Variants in BFSP2 observed in about 807,000 individuals in gnomAD.
BFSP2 encodes phakinin.
In BFSP2, 38 loss-of-function variants were observed where a neutral mutation model predicts 44.9. The ratio of observed to expected loss-of-function variants is 0.85; its 90% CI spans 0.65 to 1.11. The LOEUF is 1.11. Among genes scored for constraint, BFSP2 ranks in the 50% least tolerant of loss-of-function variants. The pLI, the probability that BFSP2 is intolerant of heterozygous loss-of-function variation, is 0.00. For missense variants in BFSP2, 525 were observed against 533.0 expected, an observed-to-expected ratio of 0.99 and a Z score of 0.15; for synonymous variants, 197 against 209.9, an observed-to-expected ratio of 0.94 and a Z score of 0.53.
At chr3:133,471,931 G>C (rs1332867020) in intron 5 of BFSP2, among the ~76,000 whole-genome samples, 1 of 152,102 alleles carries the variant, frequency 6.6e-6, no homozygotes, top group Non-Finnish European at 1.5e-5. Context: ...GTCCCCCGGG[G>C]AGTGAAGAAA....
chr3:133,408,217 T>A (rs2073420236), intron 1 of BFSP2, among the ~76,000 whole-genome samples: 1 of 152,160 alleles, frequency 6.6e-6, no homozygotes, highest in African/African-American at 2.4e-5. Context: ...GTTAGAGATA[T>A]GAACAGACAG....
intron 4 of BFSP2, among the ~76,000 whole-genome samples, chr3:133,453,806 A>C (rs2073988173): frequency 6.6e-6 from 1 of 152,248 alleles, no homozygotes; most frequent in Non-Finnish European, 1.5e-5. Flanking sequence ...GCTAGAACTT[A>C]TCTGCCAATT....
chr3:133,463,671 C>A (rs1488961843), intron 4 of BFSP2, among the ~76,000 whole-genome samples: 1 of 152,210 alleles, frequency 6.6e-6, no homozygotes, highest in Non-Finnish European at 1.5e-5. Flanking sequence ...AGCTCACTTG[C>A]CCAACTCCTG....
intron 6 of BFSP2, among the ~76,000 whole-genome samples, chr3:133,473,683 G>A (rs932180620): frequency 6.6e-6 from 1 of 151,174 alleles, no homozygotes; most frequent in Non-Finnish European, 1.5e-5. Flanking sequence ...CTGCCTTCAA[G>A]CATCTGTTTA....
At chr3:133,440,877 T>C (rs1444216937) in intron 1 of BFSP2, among the ~76,000 whole-genome samples, 1 of 152,144 alleles carries the variant, frequency 6.6e-6, no homozygotes, top group Non-Finnish European at 1.5e-5. Context: ...AGAAGTGTAT[T>C]GTGGCTTCCA....
chr3:133,403,358 TC>T, intron 1 of BFSP2, among the ~76,000 whole-genome samples: 1 of 151,740 alleles, frequency 6.6e-6, no homozygotes, highest in Non-Finnish European at 1.5e-5. Flanking sequence ...AGCTGCCTCT[TC>T]CCCCCCTTGT....
intron 1 of BFSP2, among the ~76,000 whole-genome samples, chr3:133,425,497 G>GT (rs1281247681): frequency 6.6e-6 from 1 of 152,312 alleles, no homozygotes; most frequent in East Asian, 1.9e-4. Context: ...AAAACATGGA[G>GT]GGTCCCATGA....
intron 1 of BFSP2, among the ~76,000 whole-genome samples, chr3:133,402,866 C>A (rs527316802): frequency 1.3e-5 from 2 of 152,148 alleles, no homozygotes; most frequent in South Asian, 4.2e-4. Flanking sequence ...TGGTCTTGAT[C>A]TCCTGACCTC....
intron 6 of BFSP2, among the ~76,000 whole-genome samples, chr3:133,473,648 G>T (rs1166939563): frequency 2.6e-5 from 4 of 151,126 alleles, no homozygotes; most frequent in East Asian, 1.9e-4. Flanking sequence ...AGATTAGGGA[G>T]TGGTGATGAC....
chr3:133,434,475 C>T (rs776864509), intron 1 of BFSP2, among the ~76,000 whole-genome samples: 50 of 152,150 alleles, frequency 3.3e-4, no homozygotes, highest in Non-Finnish European at 5.4e-4. Context: ...CAAAAATTTT[C>T]GCCGCCCCAA....
chr3:133,465,818 T>C (rs1486919582), intron 4 of BFSP2, among the ~76,000 whole-genome samples: 1 of 152,194 alleles, frequency 6.6e-6, no homozygotes, highest in Non-Finnish European at 1.5e-5. Context: ...ATATATACCC[T>C]TTCTAATCAG....
chr3:133,449,925 A>G (rs975931850), intron 3 of BFSP2, among the ~76,000 whole-genome samples: 5 of 147,096 alleles, frequency 3.4e-5, no homozygotes, highest in Non-Finnish European at 4.5e-5. Flanking sequence ...GAGAGAGAGG[A>G]AGACAGACGG....
At position 133,400,121 on chromosome 3, in the gene BFSP2, G is replaced by C; in HGVS notation, c.38G>C (p.Ser13Thr). 2 of 1,614,180 alleles carry C rather than the reference G, an allele frequency of 1.2e-6. No individual in the cohort carries two copies. Among genetic ancestry groups the C allele is most frequent in the Non-Finnish European group, 1.7e-6 (2 of 1,180,034 alleles). The change falls in exon 1 of 7, where the codon AGT (serine) becomes ACT (threonine). Residue 13 changes from serine to threonine, a missense_variant. Ser to Thr is a moderately conservative substitution (Grantham distance 58, BLOSUM62 1). Coordinates refer to ENST00000302334, the MANE Select transcript of BFSP2 (RefSeq NM_003571.4). This position sits in a 1 kb window ranked among gnomAD's most constrained non-coding sequence, Gnocchi z 4.0. ...CGAGTGGTAGTGGACTTGCCCACCA[G>C]TGCCAGCTCCAGCATGCCCCTCCAG... ...ERRVVVDLPT[S>T]ASSSMPLQRR... is the part of the protein sequence containing the mutation.
At chr3:133,431,988 C>T (rs1303673583) in intron 1 of BFSP2, among the ~76,000 whole-genome samples, 2 of 152,002 alleles carry the variant, frequency 1.3e-5, no homozygotes, top group Non-Finnish European at 2.9e-5. Context: ...GTCTTCCTCT[C>T]ATATCCCCCC....
At position 133,469,401 on chromosome 3, in the gene BFSP2, G is replaced by A. The variant is rs554340548; in HGVS notation, c.1023+2442G>A. On this transcript the variant is annotated intron_variant, in intron 5 of 6. Transcript: ENST00000302334. ...AGACAGCCAAGCTGGCGAGACTTTCGGCCCCCTTTGCCAATAAGGCACTAT... is the reference window on the plus strand; with the variant it reads ...AGACAGCCAAGCTGGCGAGACTTTCAGCCCCCTTTGCCAATAAGGCACTAT... 7.9e-5 allele frequency among the ~76,000 whole-genome samples: 12 copies of A among 152,310 alleles called. No homozygotes were observed. The South Asian group carries it at 2.1e-3, about 26-fold the overall frequency.
At chr3:133,470,078 C>G (rs758160360) in intron 5 of BFSP2, among the ~76,000 whole-genome samples, 1 of 152,172 alleles carries the variant, frequency 6.6e-6, no homozygotes, top group Non-Finnish European at 1.5e-5. Flanking sequence ...TGCTCAAAGT[C>G]AAGGTGGCCA....
chr3:133,464,031 C>A (rs6797506), intron 4 of BFSP2, among the ~76,000 whole-genome samples: 8,049 of 152,256 alleles, frequency 0.053, 677 homozygotes, highest in African/African-American at 0.18. Flanking sequence ...CTACTGCTCC[C>A]CGCCACCCTC....
At chr3:133,448,337 C>G (rs2073922643) in intron 2 of BFSP2, 152 bp from the exon 3 acceptor site, 1 of 972,198 alleles carries the variant, frequency 1.0e-6, no homozygotes, top group African/African-American at 1.6e-5. Flanking sequence ...TGTGTGACAA[C>G]TGCACTAACA....
intron 1 of BFSP2, among the ~76,000 whole-genome samples, chr3:133,407,214 C>G (rs530324732): frequency 1.3e-5 from 2 of 151,988 alleles, no homozygotes; most frequent in Non-Finnish European, 2.9e-5. Flanking sequence ...AGGGCCATCT[C>G]AAAACAAATA....
Sources: gnomAD v4.1 joint callset for allele counts (sites outside exome capture counted in the v4.1 genomes callset) on GRCh38, gnomAD v4.1.1 for gene constraint, Gnocchi (gnomAD v3.1) non-coding constraint, MANE v1.5 for transcripts, NCBI Gene and HGNC (gene_info 2026-07-23, HGNC 2026-07-21) for gene names.